Variants in EMSY observed in about 807,000 individuals in gnomAD.
EMSY encodes BRCA2-interacting transcriptional repressor EMSY.
EMSY carries 26 observed loss-of-function variants against 134.6 expected under a neutral mutation model. The observed-to-expected ratio is 0.19, with a 90% CI of 0.14 to 0.27. The LOEUF is 0.27. Among genes scored for constraint, EMSY ranks in the 10% least tolerant of loss-of-function variants. EMSY has a pLI of 1.00. For synonymous variants in EMSY, 579 were observed against 577.8 expected (o/e 1.00, Z -0.03); for missense variants, 1,305 against 1,611.4 (o/e 0.81, Z 3.26).
chr11:76,452,025 C>A, intron 3 of EMSY, 68 bp downstream of exon 3: 2 of 995,142 alleles, frequency 2.0e-6, no homozygotes, highest in Non-Finnish European at 2.9e-6. Context: ...ACTTATCACT[C>A]TCAAATTAAG....
intron 5 of EMSY, chr11:76,459,461 A>G (rs1030344960): frequency 9.0e-5 from 14 of 155,050 alleles, no homozygotes; most frequent in Middle Eastern, 3.4e-3. Context: ...TTGGATGGCA[A>G]TGACTAGCGA....
At chr11:76,536,963 G>A (rs2136561032) in intron 15 of EMSY, among the ~76,000 whole-genome samples, 1 of 152,282 alleles carries the variant, frequency 6.6e-6, no homozygotes, top group Admixed American at 6.5e-5. Flanking sequence ...AACATTCAGT[G>A]GACTTAGTTA....
intron 14 of EMSY, 119 bp downstream of exon 15, chr11:76,528,585 CTT>C (rs1202039448): frequency 0.035 from 14,454 of 407,554 alleles, no homozygotes; most frequent in South Asian, 0.041. Flanking sequence ...AATTCTTTTC[CTT>C]TTTTTTTTTT....
rs141914662 is a variant in EMSY, at chr11:76,493,118, C to T, written c.1109-3097C>T. On this transcript the variant is annotated intron_variant, in intron 8 of 20. Transcript: ENST00000334736. ...CTGCTCCTGCTGCCTGGCCTCTCCCCGCTCCTGCTGTCTGCTCCGGTTTCA... is the reference window on the plus strand; with the variant it reads ...CTGCTCCTGCTGCCTGGCCTCTCCCTGCTCCTGCTGTCTGCTCCGGTTTCA... 9.2e-5 allele frequency among the ~76,000 whole-genome samples: 14 copies of T among 152,292 alleles called. 1 individual carries two copies. The South Asian group carries it at 1.2e-3, about 14-fold the overall frequency.
At chr11:76,478,638 G>A (rs1256177287) in intron 8 of EMSY, among the ~76,000 whole-genome samples, 1 of 151,720 alleles carries the variant, frequency 6.6e-6, no homozygotes, top group African/African-American at 2.4e-5. Context: ...ACCGCGCCCG[G>A]CCGTGAATAA....
intron 14 of EMSY, 78 bp from the exon 16 acceptor site, chr11:76,535,817 A>C: frequency 1.7e-6 from 2 of 1,158,254 alleles, no homozygotes; most frequent in Non-Finnish European, 2.2e-6. Context: ...GCAAACAGAC[A>C]AAAAAATTGT....
At chr11:76,538,841 C>T (rs1181798359) in intron 16 of EMSY, among the ~76,000 whole-genome samples, 1 of 152,024 alleles carries the variant, frequency 6.6e-6, no homozygotes, top group African/African-American at 2.4e-5. Context: ...GCCTGTAGTC[C>T]CAGCTACTCG....
At chr11:76,473,956 T>C (rs1199577868) in intron 8 of EMSY, among the ~76,000 whole-genome samples, 1 of 151,850 alleles carries the variant, frequency 6.6e-6, no homozygotes, top group Admixed American at 6.6e-5. Context: ...CTGGTGAACA[T>C]GGCTGTACTA....
At chr11:76,463,260 T>C (rs1221719794) in intron 6 of EMSY, among the ~76,000 whole-genome samples, 5 of 150,888 alleles carry the variant, frequency 3.3e-5, no homozygotes, top group Admixed American at 6.6e-5. Flanking sequence ...GAGGCAGAGG[T>C]TGCAGTGAGC....
intron 8 of EMSY, 141 bp downstream of exon 9, chr11:76,472,981 G>A: frequency 1.2e-6 from 1 of 821,538 alleles, no homozygotes; most frequent in Non-Finnish European, 1.9e-6. Flanking sequence ...ACCCCAGTTT[G>A]AGAATGTCAA....
At chr11:76,501,937 G>A (rs1178107371) in intron 9 of EMSY, among the ~76,000 whole-genome samples, 4 of 143,272 alleles carry the variant, frequency 2.8e-5, no homozygotes, top group Admixed American at 7.4e-5. Flanking sequence ...CACAGCAAGA[G>A]AAAAACAACA....
At chr11:76,539,703 C>T in intron 17 of EMSY, 63 bp downstream of exon 18, 1 of 1,481,652 alleles carries the variant, frequency 6.7e-7, no homozygotes, top group South Asian at 1.1e-5. Context: ...TTGGGGGGAA[C>T]CGCTTAAATG....
intron 20 of EMSY, among the ~76,000 whole-genome samples, chr11:76,547,873 C>T (rs892126352): frequency 6.6e-6 from 1 of 152,166 alleles, no homozygotes; most frequent in Non-Finnish European, 1.5e-5. Flanking sequence ...TCGCAGCCAG[C>T]TTTTAGCATG....
chr11:76,510,497 A>T (rs930301051), intron 9 of EMSY, among the ~76,000 whole-genome samples: 3 of 152,224 alleles, frequency 2.0e-5, no homozygotes. Context: ...TGCTTTACGC[A>T]CTGAGTGCTC....
chr11:76,523,709 T>C (rs948086314), intron 12 of EMSY, among the ~76,000 whole-genome samples: 2 of 145,904 alleles, frequency 1.4e-5, no homozygotes, highest in South Asian at 2.2e-4. Context: ...ACTTTCTTTT[T>C]TTTTTTTTTT....
At chr11:76,526,395 T>C in intron 12 of EMSY, 67 bp from the exon 14 acceptor site, 2 of 1,212,146 alleles carry the variant, frequency 1.6e-6, no homozygotes, top group South Asian at 4.2e-5. Context: ...TTACTGATTT[T>C]TCAGTGAGAG....
At chr11:76,500,098 C>T (rs74725414) in intron 9 of EMSY, among the ~76,000 whole-genome samples, 4,729 of 149,732 alleles carry the variant, frequency 0.032, 109 homozygotes, top group Non-Finnish European at 0.047. Flanking sequence ...AAAAACCAAA[C>T]CCAAAACAAT....
chr11:76,518,699 ATATATTTT>A, intron 11 of EMSY, among the ~76,000 whole-genome samples: 1 of 124,692 alleles, frequency 8.0e-6, no homozygotes, highest in South Asian at 2.9e-4. Context: ...ATATATATAT[ATATATTTT>A]TTTTTTAATT....
chr11:76,521,892 G>A (rs1950650712), intron 11 of EMSY, among the ~76,000 whole-genome samples: 3 of 151,812 alleles, frequency 2.0e-5, no homozygotes, highest in African/African-American at 7.3e-5. Context: ...GGGCAACATA[G>A]TGAGACCTTA....
Sources: allele counts gnomAD v4.1 joint callset (sites outside exome capture counted in the v4.1 genomes callset), GRCh38; gene constraint gnomAD v4.1.1; transcripts MANE v1.5; gene names NCBI Gene and HGNC (gene_info 2026-07-23, HGNC 2026-07-21).